Variants in FTCDNL1 observed in about 807,000 individuals in gnomAD.
The protein encoded by FTCDNL1 is formiminotransferase N-terminal subdomain-containing protein.
A neutral mutation model predicts 5.9 loss-of-function variants in FTCDNL1; 11 were observed. The ratio of observed to expected loss-of-function variants is 1.87; its 90% CI spans 1.18 to 3.10. The LOEUF is 3.10. Ranked by LOEUF, FTCDNL1 falls within the 30% of genes most tolerant of loss-of-function variation. The pLI, the probability that FTCDNL1 is intolerant of heterozygous loss-of-function variation, is 0.00. For synonymous variants in FTCDNL1, 58 were observed against 24.8 expected (o/e 2.34, Z -3.99); for missense variants, 115 against 65.5 (o/e 1.76, Z -2.61).
intron 3 of FTCDNL1, among the ~76,000 whole-genome samples, chr2:199,789,905 C>A (rs1033248065): frequency 1.3e-5 from 2 of 151,920 alleles, no homozygotes; most frequent in Non-Finnish European, 2.9e-5. Flanking sequence ...AGATACAGGA[C>A]CTGCATAAAG....
At chr2:199,813,010 G>A (rs1701131186) in intron 4 of FTCDNL1, among the ~76,000 whole-genome samples, 1 of 152,190 alleles carries the variant, frequency 6.6e-6, no homozygotes. Flanking sequence ...TGATATGGAT[G>A]TAAACTCTTT....
At chr2:199,743,308 C>G in the FTCDNL1 span, among the ~76,000 whole-genome samples, 2 of 152,260 alleles carry the variant, frequency 1.3e-5, no homozygotes, top group Admixed American at 1.3e-4. Context: ...CAAAGCCCCT[C>G]GAAAGACTCT....
the FTCDNL1 span, among the ~76,000 whole-genome samples, chr2:199,709,326 T>C: frequency 3.6e-3 from 547 of 152,166 alleles, 5 homozygotes; most frequent in African/African-American, 0.013. Context: ...CTTATTACAT[T>C]GTATGGGGAT....
At chr2:199,826,613 G>A (rs543552535) in intron 3 of FTCDNL1, among the ~76,000 whole-genome samples, 2 of 152,152 alleles carry the variant, frequency 1.3e-5, no homozygotes, top group South Asian at 2.1e-4. Flanking sequence ...TGGCCAACAT[G>A]GTGAAGCCCC....
At chr2:199,801,407 G>A (rs965909766) in intron 3 of FTCDNL1, among the ~76,000 whole-genome samples, 3 of 152,134 alleles carry the variant, frequency 2.0e-5, no homozygotes, top group African/African-American at 7.2e-5. Flanking sequence ...AGCACTTTGG[G>A]AGGCCCAAGC....
chr2:199,678,771 T>A, the FTCDNL1 span, among the ~76,000 whole-genome samples: 3 of 152,096 alleles, frequency 2.0e-5, no homozygotes, highest in Non-Finnish European at 4.4e-5. Flanking sequence ...CCCCATGTCA[T>A]AAAAAACTCT....
intron 3 of FTCDNL1, among the ~76,000 whole-genome samples, chr2:199,798,921 T>C (rs953630427): frequency 1.3e-5 from 2 of 152,182 alleles, no homozygotes; most frequent in African/African-American, 4.8e-5. Flanking sequence ...GATGACATCC[T>C]CATCAGTAGC....
chr2:199,728,999 G>A, the FTCDNL1 span, among the ~76,000 whole-genome samples: 2 of 152,182 alleles, frequency 1.3e-5, no homozygotes, highest in Admixed American at 1.3e-4. Context: ...AGCAGCAGCT[G>A]TTGTCAAAAA....
chr2:199,711,536 A>G, the FTCDNL1 span, among the ~76,000 whole-genome samples: 16,531 of 152,042 alleles, frequency 0.11, 1,176 homozygotes, highest in Middle Eastern at 0.25. Flanking sequence ...GTTGTTATGG[A>G]CCTACCTTAT....
chr2:199,765,556 A>ATATATATATATATTTTTTTTTTTTTT, intron 3 of FTCDNL1, among the ~76,000 whole-genome samples: 3 of 42,666 alleles, frequency 7.0e-5, no homozygotes, highest in Non-Finnish European at 9.6e-5. Flanking sequence ...ATATATATAT[A>ATATATATATATATTTTTTTTTTTTTT]TTTTTTTTTT....
the FTCDNL1 span, among the ~76,000 whole-genome samples, chr2:199,755,327 C>G: frequency 4.6e-5 from 7 of 152,262 alleles, no homozygotes; most frequent in East Asian, 1.3e-3. Context: ...GTATTTGATA[C>G]ATAAAGCAAT....
chr2:199,699,893 T>C, the FTCDNL1 span, among the ~76,000 whole-genome samples: 1 of 152,094 alleles, frequency 6.6e-6, no homozygotes, highest in African/African-American at 2.4e-5. Flanking sequence ...ACTGAAGAAA[T>C]GTACCTCAAA....
chr2:199,707,318 C>T, the FTCDNL1 span, among the ~76,000 whole-genome samples: 1 of 151,912 alleles, frequency 6.6e-6, no homozygotes, highest in Non-Finnish European at 1.5e-5. Flanking sequence ...TACATTGTTA[C>T]AAATTTTTTC....
chr2:199,677,145 A>G, the FTCDNL1 span, among the ~76,000 whole-genome samples: 2 of 152,164 alleles, frequency 1.3e-5, no homozygotes, highest in Non-Finnish European at 1.5e-5. Flanking sequence ...GTGTGCTTCT[A>G]TATAACATGT....
At chr2:199,848,512 C>A (rs1304401792) in intron 2 of FTCDNL1, among the ~76,000 whole-genome samples, 2 of 152,174 alleles carry the variant, frequency 1.3e-5, no homozygotes, top group Non-Finnish European at 2.9e-5. Flanking sequence ...AAATAAACGA[C>A]CCATGAGGGA....
At chr2:199,740,554 G>A in the FTCDNL1 span, among the ~76,000 whole-genome samples, 1 of 152,158 alleles carries the variant, frequency 6.6e-6, no homozygotes, top group Non-Finnish European at 1.5e-5. Context: ...TTCCATAGGT[G>A]CCCTCCCTTC....
chr2:199,711,992 G>T, the FTCDNL1 span, among the ~76,000 whole-genome samples: 1 of 152,116 alleles, frequency 6.6e-6, no homozygotes, highest in African/African-American at 2.4e-5. Context: ...CAGACAGTAA[G>T]ATGCCCAATG....
chr2:199,802,677 T>C (rs1030249419), intron 3 of FTCDNL1, among the ~76,000 whole-genome samples: 16 of 152,140 alleles, frequency 1.1e-4, no homozygotes, highest in African/African-American at 3.9e-4. Context: ...ATTTCAGGCA[T>C]CTCCCAATGA....
At chr2:199,755,579 G>T (rs920700743), downstream of FTCDNL1, among the ~76,000 whole-genome samples, 18 of 152,092 alleles carry the variant, frequency 1.2e-4, no homozygotes, top group Non-Finnish European at 2.5e-4. Flanking sequence ...AACACAAAAT[G>T]GTACATATTC....
Sources: allele counts gnomAD v4.1 joint callset (sites outside exome capture counted in the v4.1 genomes callset), GRCh38; gene constraint gnomAD v4.1.1; transcripts MANE v1.5; gene names NCBI Gene and HGNC (gene_info 2026-07-23, HGNC 2026-07-21).